The following PARD3 variants were observed in gnomAD, a reference collection of about 807,000 sequenced individuals.
PARD3 encodes par-3 family cell polarity regulator, also known as partitioning defective 3 homolog.
In PARD3, 75 loss-of-function variants were observed where a neutral mutation model predicts 155.4. The ratio of observed to expected loss-of-function variants is 0.48; its 90% CI spans 0.40 to 0.58. PARD3 has a LOEUF of 0.58. Among genes scored for constraint, PARD3 ranks in the 20% least tolerant of loss-of-function variants. PARD3 has a pLI of 0.00. For synonymous variants in PARD3, 576 were observed against 610.5 expected (o/e 0.94, Z 0.83); for missense variants, 1,642 against 1,721.7 (o/e 0.95, Z 0.82).
intron 1 of PARD3, among the ~76,000 whole-genome samples, chr10:34,798,820 G>A (rs1349793207): frequency 6.6e-6 from 1 of 152,010 alleles, no homozygotes; most frequent in Admixed American, 6.6e-5. Context: ...TCCATGCACA[G>A]TCCAAAGGCG....
chr10:34,739,159 A>T (rs888929015), intron 1 of PARD3, among the ~76,000 whole-genome samples: 1 of 152,190 alleles, frequency 6.6e-6, no homozygotes, highest in Non-Finnish European at 1.5e-5. Context: ...TCTGGACTGG[A>T]TCCTGGCATA....
chr10:34,675,792 T>C (rs182488999), intron 2 of PARD3: 1 of 183,380 alleles, frequency 5.5e-6, no homozygotes, highest in Admixed American at 5.3e-5. Context: ...TAGTTTCTTG[T>C]TTTCATCAAC....
intron 22 of PARD3, among the ~76,000 whole-genome samples, chr10:34,219,791 C>T (rs1952186730): frequency 6.6e-6 from 1 of 152,170 alleles, no homozygotes; most frequent in Non-Finnish European, 1.5e-5. Flanking sequence ...TTTTGATTTG[C>T]CTGGTACTAA....
At chr10:34,353,743 A>C (rs1838468704) in intron 14 of PARD3, among the ~76,000 whole-genome samples, 1 of 151,256 alleles carries the variant, frequency 6.6e-6, no homozygotes, top group Non-Finnish European at 1.5e-5. Context: ...AAATAAATAA[A>C]TAAATAAAAT....
intron 3 of PARD3, among the ~76,000 whole-genome samples, chr10:34,501,781 T>C (rs531409095): frequency 2.7e-5 from 4 of 149,584 alleles, no homozygotes; most frequent in Admixed American, 2.6e-4. Flanking sequence ...GAACCTGCCA[T>C]GTTACCTTAC....
chr10:34,798,666 T>C lies in PARD3; in HGVS notation c.120+16210A>G, dbSNP rs1285919144. ...GTTGCAGTGAGCCGAGATGTCGCCATTGCACTCCAGACTGGGGAACAGAGT... is the reference window on the plus strand; with the variant it reads ...GTTGCAGTGAGCCGAGATGTCGCCACTGCACTCCAGACTGGGGAACAGAGT... On this transcript the variant is annotated intron_variant, in intron 1 of 24. Transcript: ENST00000374788. Among the ~76,000 whole-genome samples the C allele has an allele frequency of 6.5e-5, 8 of 122,932 alleles. No individual in the cohort carries two copies. The East Asian group carries it at 1.1e-3, about 17-fold the overall frequency. The allele number at this position is 122,932 out of a possible 152,430, so 80.6% of individuals were successfully genotyped here. A position where few individuals can be genotyped will look rare whatever the true frequency, so the allele number is the denominator to read the frequency against.
At chr10:34,154,540 A>C (rs71495070) in intron 22 of PARD3, among the ~76,000 whole-genome samples, 4,177 of 152,306 alleles carry the variant, frequency 0.027, 79 homozygotes, top group Non-Finnish European at 0.04. Flanking sequence ...TCAACAAGGA[A>C]CAACAGTAGA....
At chr10:34,362,562 A>G (rs1411494662) in intron 12 of PARD3, among the ~76,000 whole-genome samples, 1 of 152,140 alleles carries the variant, frequency 6.6e-6, no homozygotes, top group Non-Finnish European at 1.5e-5. Context: ...TGGTACAATC[A>G]CTACTCACTA....
chr10:34,349,990 A>C (rs183372794), intron 14 of PARD3, among the ~76,000 whole-genome samples: 13 of 152,330 alleles, frequency 8.5e-5, no homozygotes, highest in Admixed American at 3.3e-4. Flanking sequence ...CAAGCACTTG[A>C]ACATTTTCAT....
chr10:34,206,639 G>A (rs140771303), intron 22 of PARD3, among the ~76,000 whole-genome samples: 90 of 152,338 alleles, frequency 5.9e-4, no homozygotes, highest in African/African-American at 2.0e-3. Flanking sequence ...GAAGCAGCTC[G>A]GAGCAGTTCT....
At chr10:34,634,431 G>C (rs371985886) in intron 2 of PARD3, among the ~76,000 whole-genome samples, 16 of 152,274 alleles carry the variant, frequency 1.1e-4, no homozygotes, top group African/African-American at 3.6e-4. Context: ...GGGAGGGAAG[G>C]AATGTGGTAT....
intron 3 of PARD3, among the ~76,000 whole-genome samples, chr10:34,487,995 TCCC>T (rs1253656959): frequency 6.6e-6 from 1 of 152,188 alleles, no homozygotes; most frequent in Non-Finnish European, 1.5e-5. Flanking sequence ...CAAGCATTAT[TCCC>T]CCATTTCTTT....
chr10:34,426,112 CAAGT>C (rs1212661305), intron 5 of PARD3, among the ~76,000 whole-genome samples: 1 of 152,122 alleles, frequency 6.6e-6, no homozygotes, highest in Non-Finnish European at 1.5e-5. Context: ...TTCAACCGTA[CAAGT>C]AATAGGTTTA....
In PARD3 at chr10:34,111,053, C is replaced by A. The variant is rs113110497; in HGVS notation, c.*116G>T. The A allele has an allele frequency of 2.1e-3, 2,509 of 1,177,684 alleles. 54 individuals are homozygous for A. The African/African-American group carries it at 0.035, about 16-fold the overall frequency. 73.0% of individuals were successfully genotyped at this position (1,177,684 alleles called of 1,614,324 possible). A position where few individuals can be genotyped will look rare whatever the true frequency, so the allele number is the denominator to read the frequency against. On this transcript the variant is annotated 3_prime_UTR_variant, in exon 25 of 25. Coordinates refer to ENST00000374788, the MANE Select transcript of PARD3 (RefSeq NM_001184785.2). ...CCTACACCGCTTAAAGGCACTGATA[C>A]CAACAACAGAAATACTCCATAGTAC...
intron 5 of PARD3, among the ~76,000 whole-genome samples, chr10:34,414,087 A>T (rs1845404060): frequency 6.6e-6 from 1 of 151,956 alleles, no homozygotes; most frequent in Non-Finnish European, 1.5e-5. Context: ...AGTCTCAGCG[A>T]CTCAGGAGGC....
chr10:34,650,642 T>C (rs1325411020), intron 2 of PARD3, among the ~76,000 whole-genome samples: 2 of 152,032 alleles, frequency 1.3e-5, no homozygotes, highest in Non-Finnish European at 2.9e-5. Context: ...AATTCACACA[T>C]GAAGGTACAC....
At chr10:34,124,525 C>T (rs538497752) in intron 23 of PARD3, among the ~76,000 whole-genome samples, 1 of 152,256 alleles carries the variant, frequency 6.6e-6, no homozygotes, top group South Asian at 2.1e-4. Flanking sequence ...AACCTTTAAT[C>T]AAAACAACGT....
chr10:34,703,169 G>A (rs1245718598), intron 1 of PARD3, among the ~76,000 whole-genome samples: 1 of 151,984 alleles, frequency 6.6e-6, no homozygotes, highest in African/African-American at 2.4e-5. Flanking sequence ...AACTGCTTGA[G>A]GCCAGGAGTT....
rs141362619 is a variant in PARD3 at position 34,299,213 on chromosome 10, T to A, written c.3066-14968A>T. On this transcript the variant is annotated intron_variant, in intron 20 of 24. Transcript: ENST00000374788. Reference sequence around the variant, plus strand: ...CCAAAAGGCTAAGAGCAGAACTAATTGAGACAACTGCAAATAAACACCAAT... The same window carrying A: ...CCAAAAGGCTAAGAGCAGAACTAATAGAGACAACTGCAAATAAACACCAAT... Among the ~76,000 whole-genome samples the A allele has an allele frequency of 4.2e-4, 64 of 152,318 alleles. 1 individual carries two copies. In the East Asian group the frequency reaches 0.012, roughly 29 times the overall value.
Sources: gnomAD v4.1 joint callset for allele counts (sites outside exome capture counted in the v4.1 genomes callset) on GRCh38, gnomAD v4.1.1 for gene constraint, MANE v1.5 for transcripts, NCBI Gene and HGNC (gene_info 2026-07-23, HGNC 2026-07-21) for gene names.